The following ABCC1 variants were observed in gnomAD, a reference collection of about 807,000 sequenced individuals.
ABCC1 encodes the protein ATP binding cassette subfamily C member 1 (ABCC1 blood group).
A neutral mutation model predicts 172.9 loss-of-function variants in ABCC1; 83 were observed. The observed-to-expected ratio is 0.48, with a 90% CI of 0.40 to 0.58. The LOEUF is 0.58. ABCC1 is among the 20% of genes least tolerant of loss of function. The pLI is 0.00. For synonymous variants in ABCC1, 937 were observed against 825.2 expected, an observed-to-expected ratio of 1.14 and a Z score of -2.32; for missense variants, 1,817 against 2,002.7, an observed-to-expected ratio of 0.91 and a Z score of 1.77.
intron 1 of ABCC1, among the ~76,000 whole-genome samples, chr16:15,981,423 A>G (rs2046617654): frequency 6.6e-6 from 1 of 152,138 alleles, no homozygotes; most frequent in Non-Finnish European, 1.5e-5. Flanking sequence ...CATCCTCTGA[A>G]ATCTAGGTGG....
Position 16,088,588 on chromosome 16 carries a change from G to A in ABCC1, c.2460+1597G>A, listed in dbSNP as rs377524223. ...ATGGCTCTTGAGCTAAGAATGATGT[G>A]TGTATTTTTAAATAGAAGAAATCTA... is the stretch of plus-strand genomic sequence containing the variant. On this transcript the variant is annotated intron_variant, in intron 18 of 30. Transcript: ENST00000399410. 3.4e-4 allele frequency among the ~76,000 whole-genome samples: 52 copies of A among 152,286 alleles called. No homozygotes were observed. In the East Asian group the frequency reaches 4.6e-3, roughly 14 times the overall value.
chr16:16,091,180 A>G lies in ABCC1; in HGVS notation c.2644+592A>G, dbSNP rs187377332. Among the ~76,000 whole-genome samples, 418 of 152,130 alleles carry G rather than the reference A, an allele frequency of 2.7e-3. 3 individuals are homozygous for G. The highest frequency in any genetic ancestry group is 9.4e-3 in the African/African-American group (391 of 41,510). ...GTGGTTCCCAGCACTTGTAATCCCA[A>G]CACATAGAGAGGCTGAGGTGGGAGG... On this transcript the variant is annotated intron_variant, in intron 19 of 30. Coordinates refer to ENST00000399410, the MANE Select transcript of ABCC1 (RefSeq NM_004996.4).
chr16:16,110,630 C>T (rs1475842528), intron 21 of ABCC1, among the ~76,000 whole-genome samples: 1 of 152,200 alleles, frequency 6.6e-6, no homozygotes, highest in Non-Finnish European at 1.5e-5. Context: ...CTCAGGTAAT[C>T]CACCCGCCTC....
intron 1 of ABCC1, among the ~76,000 whole-genome samples, chr16:15,987,317 C>G (rs1040006336): frequency 6.6e-6 from 1 of 152,132 alleles, no homozygotes; most frequent in African/African-American, 2.4e-5. Flanking sequence ...TTTACAGATG[C>G]GGAAACTGAG....
In ABCC1 at chr16:16,076,358, G is replaced by A. The variant is rs781168202; in HGVS notation, c.1945G>A (p.Ala649Thr). ...GGTNSITVRN[A>T]TFTWARSDPP... is the part of the protein sequence containing the mutation. The stretch of plus-strand genomic sequence containing the variant: ...CACGAACAGCATCACCGTGAGGAAT[G>A]CCACATTCACCTGGGCCAGGAGCGA... The change falls in exon 15 of 31, where the codon GCC becomes ACC. Residue 649 changes from alanine to threonine, a missense_variant. Physicochemically the swap from Ala to Thr is moderately conservative, Grantham distance 58. Transcript: ENST00000399410. 34 of 1,612,132 alleles carry A rather than the reference G, an allele frequency of 2.1e-5. No homozygotes were observed. Among genetic ancestry groups the A allele is most frequent in the Non-Finnish European group, 2.8e-5 (33 of 1,179,218 alleles).
At chr16:15,956,889 G>A (rs527332091) in intron 1 of ABCC1, among the ~76,000 whole-genome samples, 1 of 152,172 alleles carries the variant, frequency 6.6e-6, no homozygotes, top group African/African-American at 2.4e-5. Context: ...GTGGACCCGT[G>A]CAGTTTAAAT....
At chr16:16,079,288 C>T (rs1187382039) in intron 15 of ABCC1, 64 bp from the exon 16 acceptor site, 1 of 1,591,338 alleles carries the variant, frequency 6.3e-7, no homozygotes, top group Non-Finnish European at 8.6e-7. Flanking sequence ...GCTCGGTGGC[C>T]ATGGGCATTA....
intron 1 of ABCC1, among the ~76,000 whole-genome samples, chr16:15,998,275 C>T (rs763169103): frequency 5.3e-5 from 8 of 152,126 alleles, no homozygotes; most frequent in Middle Eastern, 3.2e-3. Context: ...CAGGCCTGCA[C>T]TACCACGCCT....
intron 21 of ABCC1, among the ~76,000 whole-genome samples, chr16:16,109,914 C>T (rs1012524021): frequency 6.6e-6 from 1 of 152,128 alleles, no homozygotes; most frequent in Non-Finnish European, 1.5e-5. Flanking sequence ...ACCCGAGTCT[C>T]CCATGCCATG....
chr16:16,123,234 T>G (rs1035890085), intron 24 of ABCC1, among the ~76,000 whole-genome samples: 1 of 152,122 alleles, frequency 6.6e-6, no homozygotes, highest in African/African-American at 2.4e-5. Flanking sequence ...TCATAAGGGC[T>G]GCAATGGAGA....
chr16:16,016,273 C>T (rs1464690624), intron 4 of ABCC1, among the ~76,000 whole-genome samples: 1 of 150,692 alleles, frequency 6.6e-6, no homozygotes, highest in Non-Finnish European at 1.5e-5. Context: ...CCTGTCTCAG[C>T]CTCCCGAGTA....
chr16:16,106,407 T>C (rs2052107585), intron 20 of ABCC1: 3 of 113,022 alleles, frequency 2.7e-5, no homozygotes, highest in Non-Finnish European at 4.9e-5. Context: ...TGAATTCTAA[T>C]TGATCTCAGA....
intron 5 of ABCC1, among the ~76,000 whole-genome samples, chr16:16,030,992 C>T (rs929521538): frequency 6.6e-6 from 1 of 152,086 alleles, no homozygotes; most frequent in Admixed American, 6.6e-5. Flanking sequence ...AGCTTGCAGG[C>T]ACCCACCACC....
At chr16:16,120,301 AC>A (rs1333712446) in intron 23 of ABCC1, among the ~76,000 whole-genome samples, 1 of 152,094 alleles carries the variant, frequency 6.6e-6, no homozygotes, top group African/African-American at 2.4e-5. Context: ...GGAATCAGGA[AC>A]CCCGGGCTCA....
At chr16:15,994,611 C>T (rs2046992020) in intron 1 of ABCC1, among the ~76,000 whole-genome samples, 2 of 151,972 alleles carry the variant, frequency 1.3e-5, no homozygotes, top group African/African-American at 2.4e-5. Context: ...ATTTGAAGTG[C>T]GAACTAGCTT....
At chr16:15,967,794 A>G (rs2046281036) in intron 1 of ABCC1, among the ~76,000 whole-genome samples, 2 of 151,496 alleles carry the variant, frequency 1.3e-5, no homozygotes, top group Admixed American at 1.3e-4. Context: ...AAACTTGTTT[A>G]ACTACCTAAA....
chr16:16,138,714 CTTTTTTT>C (rs397973927), intron 30 of ABCC1, among the ~76,000 whole-genome samples, 156 bp downstream of exon 30: 1 of 129,690 alleles, frequency 7.7e-6, no homozygotes, highest in Non-Finnish European at 1.6e-5. Flanking sequence ...CCAGCTATTT[CTTTTTTT>C]TTTTTTTTTT....
chr16:16,008,478 G>C (rs978744981), intron 2 of ABCC1, among the ~76,000 whole-genome samples: 1 of 151,728 alleles, frequency 6.6e-6, no homozygotes, highest in Non-Finnish European at 1.5e-5. Context: ...GTACTGGGAT[G>C]CTCAGTGTGA....
chr16:16,090,707 T>G, intron 19 of ABCC1, 119 bp downstream of exon 19: 1 of 1,166,940 alleles, frequency 8.6e-7, no homozygotes, highest in East Asian at 2.7e-5. Context: ...GGCATGAGGG[T>G]GGGAGCTGGA....
Sources: gnomAD v4.1 joint callset for allele counts (sites outside exome capture counted in the v4.1 genomes callset) on GRCh38, gnomAD v4.1.1 for gene constraint, MANE v1.5 for transcripts, NCBI Gene and HGNC (gene_info 2026-07-23, HGNC 2026-07-21) for gene names.